Variants in PKNOX2 observed in about 807,000 individuals in gnomAD.
The protein encoded by PKNOX2 is PBX/knotted 1 homeobox 2.
Under a neutral mutation model 53.1 loss-of-function variants are expected in PKNOX2, and 14 were observed. The ratio of observed to expected loss-of-function variants is 0.26; its 90% CI spans 0.17 to 0.41. The LOEUF is 0.41. Among genes scored for constraint, PKNOX2 ranks in the 10% least tolerant of loss-of-function variants. The pLI is 1.00. For missense variants in PKNOX2, 496 were observed against 602.8 expected, an observed-to-expected ratio of 0.82 and a Z score of 1.85; for synonymous variants, 257 against 242.8, an observed-to-expected ratio of 1.06 and a Z score of -0.54.
intron 1 of PKNOX2, among the ~76,000 whole-genome samples, chr11:125,178,269 T>C (rs2135246378): frequency 6.6e-6 from 1 of 151,600 alleles, no homozygotes; most frequent in Non-Finnish European, 1.5e-5. Flanking sequence ...CCCAGCACTT[T>C]GGGAAGCCGA....
chr11:125,173,812 G>T (rs745503797), intron 1 of PKNOX2, among the ~76,000 whole-genome samples: 1 of 152,172 alleles, frequency 6.6e-6, no homozygotes, highest in Non-Finnish European at 1.5e-5. Context: ...TCGTGCCCGT[G>T]GTCATCAGCT....
chr11:125,213,042 A>C (rs1349706416), intron 1 of PKNOX2, among the ~76,000 whole-genome samples: 1 of 151,974 alleles, frequency 6.6e-6, no homozygotes, highest in Non-Finnish European at 1.5e-5. Flanking sequence ...TCACCACTGA[A>C]ATTATGTGAA....
chr11:125,380,810 G>A (rs1953167859), intron 5 of PKNOX2, among the ~76,000 whole-genome samples: 8 of 152,250 alleles, frequency 5.3e-5, no homozygotes. Flanking sequence ...TGCCCTCAGG[G>A]TAGACCCCCA....
At chr11:125,253,289 A>AT (rs111471034) in intron 2 of PKNOX2, among the ~76,000 whole-genome samples, 5,096 of 152,134 alleles carry the variant, frequency 0.033, 312 homozygotes, top group African/African-American at 0.12. Flanking sequence ...AGATATTATC[A>AT]TTTTTTCTGT....
chr11:125,271,020 G>A (rs1003334587), intron 2 of PKNOX2, among the ~76,000 whole-genome samples: 1 of 152,186 alleles, frequency 6.6e-6, no homozygotes, highest in South Asian at 2.1e-4. Flanking sequence ...GACACAAGAA[G>A]TTCTGCAGGA....
chr11:125,367,046 A>G (rs1345450895), intron 4 of PKNOX2, among the ~76,000 whole-genome samples: 1 of 152,180 alleles, frequency 6.6e-6, no homozygotes, highest in Non-Finnish European at 1.5e-5. Flanking sequence ...CATCATTCAC[A>G]CTTTTAGAGA....
intron 2 of PKNOX2, among the ~76,000 whole-genome samples, chr11:125,260,121 T>A (rs936415047): frequency 9.2e-5 from 14 of 152,108 alleles, no homozygotes; most frequent in African/African-American, 3.1e-4. Context: ...CAAGTGATCC[T>A]CCCGCCTCAG....
In PKNOX2 at chr11:125,349,798, T is replaced by C. The variant is rs549092778; in HGVS notation, c.-22-1486T>C. ...CTTGGAGACTCAGGTCAGGTCAGAG[T>C]AGATCTTACTTCCACTTCCTGAAAA... is the stretch of plus-strand genomic sequence containing the variant. On this transcript the variant is annotated intron_variant, in intron 3 of 12. Transcript: ENST00000298282. Among the ~76,000 whole-genome samples the C allele has an allele frequency of 5.3e-5, 8 of 150,918 alleles. No homozygotes were observed. In the South Asian group the frequency reaches 1.7e-3, roughly 32 times the overall value.
rs540277747 is a variant in PKNOX2 at position 125,251,941 on chromosome 11, C to T, written c.-130+16826C>T. ...ATTTGTTCTATTGTCATTCATTCAACACCTGTCCATTGCCCACTCTGTTCA... is the reference window on the plus strand; with the variant it reads ...ATTTGTTCTATTGTCATTCATTCAATACCTGTCCATTGCCCACTCTGTTCA... On this transcript the variant is annotated intron_variant, in intron 2 of 12. Transcript: ENST00000298282. 4.6e-5 allele frequency among the ~76,000 whole-genome samples: 7 copies of T among 151,998 alleles called. No homozygotes were observed. In the East Asian group the frequency reaches 1.2e-3, roughly 25 times the overall value.
At chr11:125,364,614 A>G (rs1051684753) in intron 4 of PKNOX2, among the ~76,000 whole-genome samples, 1 of 152,196 alleles carries the variant, frequency 6.6e-6, no homozygotes, top group Non-Finnish European at 1.5e-5. Context: ...TGCTCCCCCT[A>G]TATGTCACCC....
At chr11:125,368,059 G>T (rs1952290658) in intron 5 of PKNOX2, 74 bp downstream of exon 5, 1 of 1,534,432 alleles carries the variant, frequency 6.5e-7, no homozygotes. Flanking sequence ...GGATGAGAAT[G>T]CAGGCCAAAG....
intron 3 of PKNOX2, among the ~76,000 whole-genome samples, 153 bp from the exon 4 acceptor site, chr11:125,351,131 C>T (rs1761744370): frequency 6.6e-6 from 1 of 152,154 alleles, no homozygotes; most frequent in South Asian, 2.1e-4. Context: ...AGGCCTCTTC[C>T]TTAGCTCTCA....
chr11:125,323,134 T>C (rs1464936456), intron 2 of PKNOX2, among the ~76,000 whole-genome samples: 1 of 151,854 alleles, frequency 6.6e-6, no homozygotes, highest in African/African-American at 2.4e-5. Context: ...GGAGGCCAGG[T>C]ATCTTGGCTC....
chr11:125,183,241 A>T, intron 1 of PKNOX2, among the ~76,000 whole-genome samples: 1 of 43,546 alleles, frequency 2.3e-5, no homozygotes, highest in African/African-American at 8.7e-5. Flanking sequence ...ACGGAGTCTC[A>T]CTCTGTCGCC....
At chr11:125,372,926 T>C (rs541878665) in intron 5 of PKNOX2, among the ~76,000 whole-genome samples, 2 of 152,292 alleles carry the variant, frequency 1.3e-5, no homozygotes, top group East Asian at 3.9e-4. Flanking sequence ...GTGAGCCCTG[T>C]TTATAATGCA....
At chr11:125,415,602 A>T (rs1377203073) in intron 10 of PKNOX2, among the ~76,000 whole-genome samples, 1 of 152,130 alleles carries the variant, frequency 6.6e-6, no homozygotes, top group Non-Finnish European at 1.5e-5. Context: ...TTATGTGAAC[A>T]CTTTACATCC....
chr11:125,333,670 A>T (rs1400653806), intron 3 of PKNOX2, among the ~76,000 whole-genome samples: 1 of 152,168 alleles, frequency 6.6e-6, no homozygotes, highest in African/African-American at 2.4e-5. Context: ...GATGGGTGCA[A>T]CTGGCAAGGA....
In PKNOX2 at chr11:125,411,979, C is replaced by T. The variant is rs1046395009; in HGVS notation, c.936+114C>T. On this transcript the variant is annotated intron_variant, in intron 10 of 12. Transcript: ENST00000298282. The stretch of plus-strand genomic sequence containing the variant: ...AACCCACAGACAGAGGGCGCGGCCT[C>T]GGGGAGAGCTCTCTGATAGGAATGA... 2.6e-5 allele frequency: 39 copies of T among 1,498,330 alleles called. 1 individual carries two copies. The highest frequency in any genetic ancestry group is 2.5e-4 in the South Asian group (20 of 78,932). 92.8% of individuals were successfully genotyped at this position (1,498,330 alleles called of 1,614,324 possible). A position where few individuals can be genotyped will look rare whatever the true frequency, so the allele number is the denominator to read the frequency against.
At chr11:125,415,302 T>C (rs1814898764) in intron 10 of PKNOX2, among the ~76,000 whole-genome samples, 1 of 143,264 alleles carries the variant, frequency 7.0e-6, no homozygotes. Flanking sequence ...TGGAATGCAA[T>C]GGCACGATCT....
Sources: allele counts gnomAD v4.1 joint callset (sites outside exome capture counted in the v4.1 genomes callset), GRCh38; gene constraint gnomAD v4.1.1; transcripts MANE v1.5; gene names NCBI Gene and HGNC (gene_info 2026-07-23, HGNC 2026-07-21).